The following CNTN6 variants were observed in gnomAD, a reference collection of about 807,000 sequenced individuals.
CNTN6 encodes contactin 6.
In CNTN6, 137 loss-of-function variants were observed where a neutral mutation model predicts 122.8. The ratio of observed to expected loss-of-function variants is 1.12; its 90% CI spans 0.97 to 1.29. The LOEUF (loss-of-function observed/expected upper bound fraction) is 1.29. Ranked by LOEUF, CNTN6 falls within the 50% of genes most tolerant of loss-of-function variation. The pLI is 0.00. For missense variants in CNTN6, 1,634 were observed against 1,223.4 expected, an observed-to-expected ratio of 1.34 and a Z score of -5.01; for synonymous variants, 570 against 426.0, an observed-to-expected ratio of 1.34 and a Z score of -4.16.
chr3:1,345,030 G>T lies in CNTN6; in HGVS notation c.1365-7294G>T, dbSNP rs528283687. On this transcript the variant is annotated intron_variant, in intron 11 of 22. Transcript: ENST00000446702. ...GATCTTATAAGGACTGATAAATTAG[G>T]TTTTCATCAATCCACTGATTAAATC... Among the ~76,000 whole-genome samples, 6 of 151,024 alleles carry T rather than the reference G, an allele frequency of 4.0e-5. No individual in the cohort carries two copies. In the South Asian group the frequency reaches 1.3e-3, roughly 32 times the overall value.
chr3:1,224,943 T>C (rs2094260328), intron 3 of CNTN6, among the ~76,000 whole-genome samples: 1 of 152,096 alleles, frequency 6.6e-6, no homozygotes, highest in African/African-American at 2.4e-5. Context: ...AGACTGGGTT[T>C]CACCATGCTG....
At chr3:1,138,908 C>T (rs910374461) in intron 1 of CNTN6, among the ~76,000 whole-genome samples, 49 of 151,750 alleles carry the variant, frequency 3.2e-4, no homozygotes, top group African/African-American at 9.9e-4. Flanking sequence ...CAGATATTTC[C>T]GATTTCTGCT....
At chr3:1,130,043 A>G (rs977462175) in intron 1 of CNTN6, among the ~76,000 whole-genome samples, 24 of 152,096 alleles carry the variant, frequency 1.6e-4, no homozygotes, top group African/African-American at 5.6e-4. Flanking sequence ...TGATTTATCT[A>G]TTAAAAGTCC....
chr3:1,268,443 T>A (rs1050426334), intron 4 of CNTN6, among the ~76,000 whole-genome samples: 5 of 151,774 alleles, frequency 3.3e-5, no homozygotes, highest in Non-Finnish European at 7.4e-5. Flanking sequence ...CCGTCTCTAC[T>A]AAAAATATAA....
intron 4 of CNTN6, among the ~76,000 whole-genome samples, chr3:1,250,078 C>G (rs996590078): frequency 6.6e-6 from 1 of 152,076 alleles, no homozygotes; most frequent in African/African-American, 2.4e-5. Flanking sequence ...TTTGGCAAGT[C>G]TAGCTGACTA....
At chr3:1,300,547 AAG>A (rs1412035523) in intron 7 of CNTN6, among the ~76,000 whole-genome samples, 5 of 125,792 alleles carry the variant, frequency 4.0e-5, no homozygotes, top group Non-Finnish European at 5.2e-5. Context: ...GAGAGAAAGA[AAG>A]AGAAAGAAAA....
intron 4 of CNTN6, among the ~76,000 whole-genome samples, chr3:1,251,046 A>G (rs1300930186): frequency 1.3e-5 from 2 of 152,054 alleles, no homozygotes; most frequent in African/African-American, 4.8e-5. Flanking sequence ...TTTCTTGAAG[A>G]TTTTACCTAT....
chr3:1,388,121 A>G (rs995097917), intron 20 of CNTN6, among the ~76,000 whole-genome samples: 1 of 152,052 alleles, frequency 6.6e-6, no homozygotes, highest in East Asian at 1.9e-4. Flanking sequence ...GCACAGACAA[A>G]CAAAAAGACA....
At chr3:1,328,678 A>T (rs1342838821) in intron 10 of CNTN6, among the ~76,000 whole-genome samples, 1 of 151,830 alleles carries the variant, frequency 6.6e-6, no homozygotes, top group African/African-American at 2.4e-5. Context: ...CCTTTAATCT[A>T]AGATCAGAAG....
intron 5 of CNTN6, among the ~76,000 whole-genome samples, chr3:1,293,612 A>G (rs976221020): frequency 6.6e-6 from 1 of 151,886 alleles, no homozygotes; most frequent in African/African-American, 2.4e-5. Flanking sequence ...GCAAATAGCA[A>G]CTCAGCTCTC....
At chr3:1,185,504 T>C (rs746421686) in intron 2 of CNTN6, among the ~76,000 whole-genome samples, 3 of 152,166 alleles carry the variant, frequency 2.0e-5, no homozygotes, top group African/African-American at 4.8e-5. Flanking sequence ...CTTGGAAGTA[T>C]GAAACACTTT....
chr3:1,124,201 C>A (rs1016217463), intron 1 of CNTN6, among the ~76,000 whole-genome samples: 11 of 151,910 alleles, frequency 7.2e-5, no homozygotes, highest in Non-Finnish European at 1.0e-4. Context: ...GGATGTTCTA[C>A]AACAGAGAGG....
intron 12 of CNTN6, among the ~76,000 whole-genome samples, chr3:1,369,841 G>T (rs552108909): frequency 1.5e-4 from 22 of 150,292 alleles, no homozygotes; most frequent in African/African-American, 5.1e-4. Flanking sequence ...TGGATCCCTG[G>T]ATATCTTTTT....
intron 8 of CNTN6, among the ~76,000 whole-genome samples, chr3:1,325,365 T>C (rs1701386113): frequency 6.6e-6 from 1 of 151,874 alleles, no homozygotes; most frequent in African/African-American, 2.4e-5. Context: ...CTTCAAGGTA[T>C]TGAGTTGTAA....
chr3:1,109,794 T>G (rs569365417), intron 1 of CNTN6, among the ~76,000 whole-genome samples: 142 of 152,250 alleles, frequency 9.3e-4, no homozygotes, highest in African/African-American at 3.4e-3. Flanking sequence ...CACTCATATT[T>G]TGTGTGTGTA....
At chr3:1,334,776 A>T (rs1157658201) in intron 11 of CNTN6, among the ~76,000 whole-genome samples, 2 of 152,162 alleles carry the variant, frequency 1.3e-5, no homozygotes, top group African/African-American at 4.8e-5. Context: ...CAAACCTGGA[A>T]TATAGCACAC....
At chr3:1,401,831 G>T (rs772692478) in intron 21 of CNTN6, among the ~76,000 whole-genome samples, 1 of 151,970 alleles carries the variant, frequency 6.6e-6, no homozygotes, top group Admixed American at 6.6e-5. Context: ...TATGTGCATA[G>T]TAGATGTGAT....
intron 6 of CNTN6, among the ~76,000 whole-genome samples, chr3:1,297,271 A>C (rs1696405105): frequency 6.6e-6 from 1 of 152,176 alleles, no homozygotes; most frequent in Admixed American, 6.5e-5. Context: ...CAAAGTATTT[A>C]AATAATCTTG....
chr3:1,309,173 G>A (rs1698843117), intron 7 of CNTN6, among the ~76,000 whole-genome samples: 1 of 151,832 alleles, frequency 6.6e-6, no homozygotes, highest in African/African-American at 2.4e-5. Flanking sequence ...TCCAATAAAC[G>A]GTGTTTTTGG....
Sources: gnomAD v4.1 joint callset for allele counts (sites outside exome capture counted in the v4.1 genomes callset) on GRCh38, gnomAD v4.1.1 for gene constraint, MANE v1.5 for transcripts, NCBI Gene and HGNC (gene_info 2026-07-23, HGNC 2026-07-21) for gene names.